The following ARHGEF33 variants were observed in gnomAD, a reference collection of about 807,000 sequenced individuals.
The protein encoded by ARHGEF33 is Rho guanine nucleotide exchange factor 33, also known as DH and coiled-coil domain-containing protein ENSP00000381780.
ARHGEF33 carries 72 observed loss-of-function variants against 101.9 expected under a neutral mutation model. That is an observed-to-expected ratio of 0.71 (90% CI 0.58 to 0.86). The LOEUF is 0.86. Ranked by LOEUF, ARHGEF33 falls within the 40% of genes least tolerant of loss-of-function variation. The probability of loss-of-function intolerance (pLI) is 0.00; values close to 1 mark genes in which losing one functional copy is unlikely to be tolerated. For synonymous variants in ARHGEF33, 499 were observed against 442.5 expected (o/e 1.13, Z -1.60); for missense variants, 1,169 against 1,111.3 (o/e 1.05, Z -0.74).
chr2:38,948,921 T>C (rs1667518965), intron 10 of ARHGEF33, among the ~76,000 whole-genome samples: 1 of 152,180 alleles, frequency 6.6e-6, no homozygotes, highest in African/African-American at 2.4e-5. Context: ...AGGGATTTCT[T>C]TGATCTCCTA....
At position 38,928,399 on chromosome 2, in the gene ARHGEF33, T is replaced by TA. The variant is rs141089230; in HGVS notation, c.76-500dup. 6.3e-3 allele frequency among the ~76,000 whole-genome samples: 953 copies of TA among 152,066 alleles called. 22 individuals carry two copies. The highest frequency in any genetic ancestry group is 0.06 in the East Asian group (311 of 5,170). ...TGATATCATCCAAGAGTATTTTTTT[T>TA]AAAAAAAACCTTCTTTCCTTTCAGA... On this transcript the variant is annotated intron_variant, in intron 4 of 17. Transcript: ENST00000409978.
At chr2:38,940,822 A>C (rs1318726909) in intron 9 of ARHGEF33, among the ~76,000 whole-genome samples, 2 of 152,098 alleles carry the variant, frequency 1.3e-5, no homozygotes, top group Non-Finnish European at 2.9e-5. Flanking sequence ...AAATTCAGAG[A>C]CTGGACTTTT....
intron 12 of ARHGEF33, among the ~76,000 whole-genome samples, chr2:38,953,510 T>C (rs1017064330): frequency 2.0e-5 from 3 of 152,222 alleles, no homozygotes; most frequent in Non-Finnish European, 2.9e-5. Flanking sequence ...GGGCATTCTA[T>C]GCAGAGATCT....
intron 2 of ARHGEF33, among the ~76,000 whole-genome samples, chr2:38,896,928 T>C (rs1279080077): frequency 6.6e-6 from 1 of 152,166 alleles, no homozygotes; most frequent in Non-Finnish European, 1.5e-5. Flanking sequence ...CTTTTTTTCT[T>C]TTTTTGAGAC....
chr2:38,941,205 A>C (rs906620047), intron 9 of ARHGEF33, among the ~76,000 whole-genome samples: 5 of 152,150 alleles, frequency 3.3e-5, no homozygotes, highest in Non-Finnish European at 5.9e-5. Flanking sequence ...TTTGGGTACC[A>C]AATTGGAGGG....
chr2:38,947,685 T>C lies in ARHGEF33; in HGVS notation c.921-3304T>C, dbSNP rs1667487004. On this transcript the variant is annotated intron_variant, in intron 10 of 17. Transcript: ENST00000409978. ...GCTTTTTGGCTCTGACTCACCTAGG[T>C]AGAGCCACAGCCTCAGGATCACAGT... Among the ~76,000 whole-genome samples the C allele has an allele frequency of 3.3e-5, 5 of 152,276 alleles. No individual in the cohort carries two copies. The South Asian group carries it at 8.3e-4, about 25-fold the overall frequency.
chr2:38,893,113 T>C (rs1666041468), intron 1 of ARHGEF33, among the ~76,000 whole-genome samples: 1 of 151,744 alleles, frequency 6.6e-6, no homozygotes, highest in Admixed American at 6.6e-5. Flanking sequence ...CTCCCTAGGG[T>C]TCCTAAATCC....
Position 38,962,807 on chromosome 2 carries a change from G to A in ARHGEF33, c.2343+2159G>A, listed in dbSNP as rs961258379. Among the ~76,000 whole-genome samples the A allele has an allele frequency of 2.5e-5, 3 of 118,646 alleles. No homozygotes were observed. The East Asian group carries it at 7.9e-4, about 31-fold the overall frequency. 77.8% of individuals were successfully genotyped at this position (118,646 alleles called of 152,430 possible). ...AGGTGGGCGGATCATGAGGTCAGGAGATCAAGACCATCCTGGTCAACACGG... is the reference window on the plus strand; with the variant it reads ...AGGTGGGCGGATCATGAGGTCAGGAAATCAAGACCATCCTGGTCAACACGG... On this transcript the variant is annotated intron_variant, in intron 16 of 17. Coordinates refer to ENST00000409978, the MANE Select transcript of ARHGEF33 (RefSeq NM_001145451.5).
At chr2:38,927,565 G>A (rs560463062) in intron 4 of ARHGEF33, among the ~76,000 whole-genome samples, 16 of 152,118 alleles carry the variant, frequency 1.1e-4, no homozygotes, top group African/African-American at 2.9e-4. Flanking sequence ...ATGTGGTGGC[G>A]CATGCCTGTA....
chr2:38,928,786 T>C, intron 4 of ARHGEF33, 121 bp from the exon 5 acceptor site: 1 of 888,590 alleles, frequency 1.1e-6, no homozygotes, highest in Non-Finnish European at 1.7e-6. Context: ...AGTACACTAG[T>C]AAATGAGGTC....
At chr2:38,971,617 GT>G (rs1470145730) in intron 17 of ARHGEF33, among the ~76,000 whole-genome samples, 1 of 152,140 alleles carries the variant, frequency 6.6e-6, no homozygotes, top group African/African-American at 2.4e-5. Flanking sequence ...ATATGTAAGC[GT>G]TATAAAGAGG....
intron 7 of ARHGEF33, among the ~76,000 whole-genome samples, chr2:38,935,284 G>A (rs1667103460): frequency 6.7e-6 from 1 of 149,516 alleles, no homozygotes; most frequent in South Asian, 2.1e-4. Flanking sequence ...GGGTTCAAGC[G>A]ATCCTCCTAT....
Position 38,951,070 on chromosome 2 carries a change from G to T in ARHGEF33, c.1002G>T (p.Trp334Cys), listed in dbSNP as rs1222092302. ...CACTGCAGGAAAGGGTCCTGAAGTGGCCACGCCAAGGCGTTCTTGGAGATT... is the reference window on the plus strand; with the variant it reads ...CACTGCAGGAAAGGGTCCTGAAGTGTCCACGCCAAGGCGTTCTTGGAGATT... ...LHALQERVLK[W>C]PRQGVLGDLF... Residue 334 changes from tryptophan to cysteine, a missense_variant, in exon 11 of 18, where the codon TGG becomes TGT. Transcript: ENST00000409978. 6.4e-7 allele frequency: 1 copy of T among 1,551,944 alleles called. No individual in the cohort carries two copies. The highest frequency in any genetic ancestry group is 8.7e-7 in the Non-Finnish European group (1 of 1,146,982).
At chr2:38,894,392 T>C (rs1666074931) in intron 1 of ARHGEF33, among the ~76,000 whole-genome samples, 1 of 146,282 alleles carries the variant, frequency 6.8e-6, no homozygotes, top group Admixed American at 7.0e-5. Flanking sequence ...AGCATATCAG[T>C]AAAGATTGAG....
chr2:38,916,212 C>T (rs4265996), intron 2 of ARHGEF33, among the ~76,000 whole-genome samples: 1 of 151,882 alleles, frequency 6.6e-6, no homozygotes, highest in Non-Finnish European at 1.5e-5. Flanking sequence ...GGAAAAATCA[C>T]CCACAAAAAT....
In ARHGEF33 at chr2:38,937,491, A is replaced by C; in HGVS notation, c.722A>C (p.Lys241Thr). 1 of 1,551,130 alleles carries C rather than the reference A, an allele frequency of 6.4e-7. No homozygotes were observed. Among genetic ancestry groups the C allele is most frequent in the Non-Finnish European group, 8.7e-7 (1 of 1,146,680 alleles). The change falls in exon 9 of 18, where the codon AAA becomes ACA. Residue 241 changes from lysine to threonine, a missense_variant. Coordinates refer to ENST00000409978, the MANE Select transcript of ARHGEF33 (RefSeq NM_001145451.5). ...EEYVTKDHPD[K>T]LKEAGQGRHS... ...TACGTCACAAAAGACCACCCAGATA[A>C]ACTCAAGGAGGCTGGCCAGGGTAGA...
intron 10 of ARHGEF33, among the ~76,000 whole-genome samples, chr2:38,947,874 G>C (rs528969073): frequency 6.6e-6 from 1 of 152,206 alleles, no homozygotes; most frequent in East Asian, 1.9e-4. Context: ...ATCCAGGGTG[G>C]CGGGAACCTG....
intron 4 of ARHGEF33, among the ~76,000 whole-genome samples, chr2:38,925,933 A>G (rs1274410790): frequency 6.6e-6 from 1 of 152,198 alleles, no homozygotes; most frequent in Non-Finnish European, 1.5e-5. Flanking sequence ...AAAATTAAGT[A>G]TGAGGCCTGA....
In ARHGEF33 at chr2:38,975,315, T is replaced by G. The variant is rs569904793; in HGVS notation, c.*1472T>G. The stretch of plus-strand genomic sequence containing the variant: ...CCAAGATTTTTGTTTCCCAGAAGTT[T>G]ATGAATTCATTTGAAATTAGATTTT... On this transcript the variant is annotated 3_prime_UTR_variant, in exon 18 of 18. Transcript: ENST00000409978. The G allele has an allele frequency of 2.6e-5, 4 of 152,348 alleles. No homozygotes were observed. The highest frequency in any genetic ancestry group is 4.1e-4 in the South Asian group (2 of 4,826). The allele number at this position is 152,348 out of a possible 1,614,324, so 9.4% of individuals were successfully genotyped here.
Sources: gnomAD v4.1 joint callset for allele counts (sites outside exome capture counted in the v4.1 genomes callset) on GRCh38, gnomAD v4.1.1 for gene constraint, MANE v1.5 for transcripts, NCBI Gene and HGNC (gene_info 2026-07-23, HGNC 2026-07-21) for gene names.